RGS12: variants seen among roughly 807,000 people sequenced by gnomAD.
The protein encoded by RGS12 is regulator of G-protein signaling 12.
In RGS12, 66 loss-of-function variants were observed where a neutral mutation model predicts 120.1. That is an observed-to-expected ratio of 0.55 (90% CI 0.45 to 0.67). RGS12 has a LOEUF of 0.67. Among genes scored for constraint, RGS12 ranks in the 30% least tolerant of loss-of-function variants. RGS12 has a pLI of 0.00. For missense variants in RGS12, 1,859 were observed against 1,957.7 expected, an observed-to-expected ratio of 0.95 and a Z score of 0.95; for synonymous variants, 827 against 804.7, an observed-to-expected ratio of 1.03 and a Z score of -0.47.
At chr4:3,399,700 C>A (rs911039205) in intron 4 of RGS12, among the ~76,000 whole-genome samples, 2 of 152,084 alleles carry the variant, frequency 1.3e-5, no homozygotes, top group Non-Finnish European at 1.5e-5. Context: ...AGATCAAAAC[C>A]CCCATAGGCA....
intron 3 of RGS12, among the ~76,000 whole-genome samples, chr4:3,355,626 C>T (rs1004457570): frequency 3.3e-5 from 5 of 151,676 alleles, no homozygotes; most frequent in African/African-American, 1.2e-4. Flanking sequence ...TAAAACCTGT[C>T]TCTACAAAAA....
At chr4:3,296,901 TG>T (rs1723412232) in intron 1 of RGS12, among the ~76,000 whole-genome samples, 1 of 152,064 alleles carries the variant, frequency 6.6e-6, no homozygotes, top group Admixed American at 6.5e-5. Flanking sequence ...TTTTAGGAGG[TG>T]GGGTCGTTAC....
intron 3 of RGS12, among the ~76,000 whole-genome samples, chr4:3,345,188 C>T (rs1000783476): frequency 2.6e-5 from 4 of 152,180 alleles, no homozygotes; most frequent in African/African-American, 9.6e-5. Context: ...CAGGCAGTTG[C>T]GGGACAGATG....
chr4:3,367,522 A>G (rs1716442350), intron 3 of RGS12, among the ~76,000 whole-genome samples: 1 of 152,218 alleles, frequency 6.6e-6, no homozygotes, highest in South Asian at 2.1e-4. Flanking sequence ...CATCCAAACA[A>G]GGGAGGTGGA....
chr4:3,367,712 C>T (rs1716470895), intron 3 of RGS12, among the ~76,000 whole-genome samples: 2 of 152,228 alleles, frequency 1.3e-5, no homozygotes, highest in South Asian at 4.1e-4. Context: ...TGCCCCATCC[C>T]TTTCCTCACC....
intron 1 of RGS12, among the ~76,000 whole-genome samples, chr4:3,294,334 G>T (rs899168748): frequency 2.6e-5 from 4 of 152,254 alleles, no homozygotes; most frequent in Non-Finnish European, 1.5e-5. Flanking sequence ...CAGAGAGGCG[G>T]CTTTGGGCAG....
rs1426584751 is a variant in RGS12 at position 3,362,415 on chromosome 4, CTG to C, written c.1998+19365_1998+19366del. Among the ~76,000 whole-genome samples the C allele has an allele frequency of 5.2e-5, 7 of 133,394 alleles. No homozygotes were observed. In the East Asian group the frequency reaches 9.4e-4, roughly 18 times the overall value. The allele number at this position is 133,394 out of a possible 152,430, so 87.5% of individuals were successfully genotyped here. A position where few individuals can be genotyped will look rare whatever the true frequency, so the allele number is the denominator to read the frequency against. On this transcript the variant is annotated intron_variant, in intron 3 of 17. Transcript: ENST00000336727. The stretch of plus-strand genomic sequence containing the variant: ...TGTGTGAAGGTATGTGAGGGTGTAT[CTG>C]TGAGGGTATGTGTTGTGCAAGGGTG...
chr4:3,323,188 G>A (rs185859202), intron 2 of RGS12, among the ~76,000 whole-genome samples: 3 of 152,388 alleles, frequency 2.0e-5, no homozygotes, highest in East Asian at 1.9e-4. Flanking sequence ...AGGCTGGGGG[G>A]CCTCTCCCGG....
chr4:3,300,585 C>T (rs75324029), intron 1 of RGS12, among the ~76,000 whole-genome samples: 132 of 152,278 alleles, frequency 8.7e-4, no homozygotes, highest in Non-Finnish European at 1.6e-3. Context: ...GTTCTGGAGA[C>T]TGGAAGCCTG....
In RGS12 at chr4:3,380,019, G is replaced by A. The variant is rs559373549; in HGVS notation, c.1999-6397G>A. Among the ~76,000 whole-genome samples, 4 of 152,310 alleles carry A rather than the reference G, an allele frequency of 2.6e-5. 1 individual carries two copies. The highest frequency in any genetic ancestry group is 9.6e-5 in the African/African-American group (4 of 41,562). On this transcript the variant is annotated intron_variant, in intron 3 of 17. Coordinates refer to ENST00000336727, the MANE Select transcript of RGS12 (RefSeq NM_001394154.1). ...AAGTCCAAAGTCTTATCTGAGACAA[G>A]GCAAGTCCCTTCTGTCTATGAGCCT... is the stretch of plus-strand genomic sequence containing the variant.
chr4:3,435,191 G>T (rs921874693), intron 17 of RGS12, among the ~76,000 whole-genome samples: 2 of 152,158 alleles, frequency 1.3e-5, no homozygotes, highest in African/African-American at 4.8e-5. Flanking sequence ...CTACCTGCCA[G>T]ATGTGCGATG....
rs1371611945 is a variant in RGS12 at position 3,297,844 on chromosome 4, G to C, written c.-102+4745G>C. 2.6e-5 allele frequency among the ~76,000 whole-genome samples: 4 copies of C among 152,080 alleles called. No homozygotes were observed. The East Asian group carries it at 7.7e-4, about 29-fold the overall frequency. On this transcript the variant is annotated intron_variant, in intron 1 of 17. Coordinates refer to ENST00000336727, the MANE Select transcript of RGS12 (RefSeq NM_001394154.1). ...CACTGGGTCCTGCTCTTCTCTCTCT[G>C]CTTGGCTCACTCCTCGTTTTGCTGA...
chr4:3,390,817 G>A lies in RGS12; in HGVS notation c.2020+4380G>A, dbSNP rs1055908167. ...CTGTCACAAACGGCTGCCTGATGGGGGAGGGTTACCGTAATTGCCGGATTA... is the reference window on the plus strand; with the variant it reads ...CTGTCACAAACGGCTGCCTGATGGGAGAGGGTTACCGTAATTGCCGGATTA... On this transcript the variant is annotated intron_variant, in intron 4 of 17. Transcript: ENST00000336727. This position sits in a 1 kb window ranked among gnomAD's most constrained non-coding sequence, Gnocchi z 4.6. 3.3e-5 allele frequency among the ~76,000 whole-genome samples: 5 copies of A among 152,238 alleles called. No individual in the cohort carries two copies. Among genetic ancestry groups the A allele is most frequent in the African/African-American group, 1.2e-4 (5 of 41,456 alleles).
chr4:3,381,957 A>G (rs1418309517), intron 3 of RGS12, among the ~76,000 whole-genome samples: 1 of 152,190 alleles, frequency 6.6e-6, no homozygotes, highest in Non-Finnish European at 1.5e-5. Flanking sequence ...GGGTCCAGCC[A>G]CCTGTATGTG....
intron 17 of RGS12, chr4:3,431,517 C>T (rs1724304142): frequency 1.0e-6 from 1 of 986,624 alleles, no homozygotes; most frequent in Non-Finnish European, 1.2e-6. Context: ...ACGTCAGCAG[C>T]GCTCTCTGAC....
chr4:3,413,855 C>T lies in RGS12; in HGVS notation c.2021-217C>T, dbSNP rs773754044. 126 of 536,266 alleles carry T rather than the reference C, an allele frequency of 2.3e-4. 1 individual carries two copies. The highest frequency in any genetic ancestry group is 3.5e-4 in the Non-Finnish European group (104 of 300,350). The allele number at this position is 536,266 out of a possible 1,614,324, so 33.2% of individuals were successfully genotyped here. ...GTGCTCGTGCACACACATGTGCAGC[C>T]GCTCAAGGTTGGGGTCTGTGTTTTG... On this transcript the variant is annotated intron_variant, in intron 4 of 17. Coordinates refer to ENST00000336727, the MANE Select transcript of RGS12 (RefSeq NM_001394154.1).
rs545230020 is a variant in RGS12 at position 3,374,504 on chromosome 4, C to G, written c.1999-11912C>G. Among the ~76,000 whole-genome samples the G allele has an allele frequency of 3.9e-5, 6 of 152,260 alleles. No homozygotes were observed. In the South Asian group the frequency reaches 1.2e-3, roughly 32 times the overall value. On this transcript the variant is annotated intron_variant, in intron 3 of 17. Transcript: ENST00000336727. The surrounding 1 kb of genome is among the most constrained non-coding windows in gnomAD (Gnocchi z 6.3). ...TGACAGGTCCACATCTTCTCACCGT[C>G]TCTCCTCGGACATCCAGGAGGCCCC...
chr4:3,347,261 G>A (rs1713888397), intron 3 of RGS12, among the ~76,000 whole-genome samples: 1 of 152,116 alleles, frequency 6.6e-6, no homozygotes, highest in South Asian at 2.1e-4. Context: ...TGGCTAACGT[G>A]GTGAGACCCC....
chr4:3,384,544 G>C (rs1041817162), intron 3 of RGS12, among the ~76,000 whole-genome samples: 22 of 152,248 alleles, frequency 1.4e-4, no homozygotes, highest in African/African-American at 5.1e-4. Flanking sequence ...GTGTATGTCA[G>C]CATCTGTGAC....
Sources: gnomAD v4.1 joint callset for allele counts (sites outside exome capture counted in the v4.1 genomes callset) on GRCh38, gnomAD v4.1.1 for gene constraint, Gnocchi (gnomAD v3.1) non-coding constraint, MANE v1.5 for transcripts, NCBI Gene and HGNC (gene_info 2026-07-23, HGNC 2026-07-21) for gene names.